Variants in SOWAHC observed in about 807,000 individuals in gnomAD.
SOWAHC encodes the protein sosondowah ankyrin repeat domain family member C, also known as ankyrin repeat domain-containing protein SOWAHC.
SOWAHC carries 12 observed loss-of-function variants against 14.4 expected under a neutral mutation model. That is an observed-to-expected ratio of 0.83 (90% CI 0.53 to 1.35). The LOEUF is 1.35. Among genes scored for constraint, SOWAHC ranks in the 40% most tolerant of loss-of-function variants. SOWAHC has a pLI of 0.00. For synonymous variants in SOWAHC, 398 were observed against 347.0 expected (o/e 1.15, Z -1.63); for missense variants, 771 against 752.8 (o/e 1.02, Z -0.28).
In SOWAHC at chr2:109,615,068, G is replaced by C. The variant is rs1316292917; in HGVS notation, c.579G>C (p.Val193=). The stretch of plus-strand genomic sequence containing the variant: ...AGGCGGACAGGGGCAGCTCCCTTGT[G>C]GGGGCTACCGCACAGAGGCCGGCCC... ...CEEADRGSSL[V]GATAQRPARQ... The change falls in exon 1 of 1, where the codon GTG becomes GTC. Residue 193 remains valine, a synonymous_variant. Transcript: ENST00000356454. 1.9e-6 allele frequency: 3 copies of C among 1,549,398 alleles called. No homozygotes were observed. In the South Asian group the frequency reaches 3.6e-5, roughly 18 times the overall value.
chr2:109,615,998 G>C lies in SOWAHC; in HGVS notation c.1509G>C (p.Val503=). 1.9e-6 allele frequency: 3 copies of C among 1,540,480 alleles called. No homozygotes were observed. In the East Asian group the frequency reaches 6.8e-5, roughly 35 times the overall value. ...QPLEGRGEEG[V]GEERPVKGHS... ...TGGAGGGCAGGGGGGAGGAGGGAGT[G>C]GGGGAGGAACGACCTGTTAAAGGCC... The change falls in exon 1 of 1, where the codon GTG becomes GTC. Residue 503 remains valine, a synonymous_variant. Transcript: ENST00000356454.
rs756794665 is a variant in SOWAHC at position 109,614,626 on chromosome 2, C to G, written c.137C>G (p.Pro46Arg). The change falls in exon 1 of 1, where the codon CCG (proline) becomes CGG (arginine). Residue 46 changes from proline to arginine, a missense_variant. Coordinates refer to ENST00000356454, the MANE Select transcript of SOWAHC (RefSeq NM_023016.4). ...TTCAGGGGCGCCCTAGGCGGCGAAC[C>G]GGAGCAGCGCGCCCGCGCCCGCGCG... ...QHFRGALGGE[P>R]EQRARARAHF... 214 of 1,463,232 alleles carry G rather than the reference C, an allele frequency of 1.5e-4. No homozygotes were observed. Among genetic ancestry groups the G allele is most frequent in the Non-Finnish European group, 1.8e-4 (201 of 1,111,518 alleles). 90.6% of individuals were successfully genotyped at this position (1,463,232 alleles called of 1,614,324 possible). A position where few individuals can be genotyped will look rare whatever the true frequency, so the allele number is the denominator to read the frequency against.
chr2:109,616,107 T>C lies in SOWAHC; in HGVS notation c.*40T>C, dbSNP rs761395714. On this transcript the variant is annotated 3_prime_UTR_variant, in exon 1 of 1. Transcript: ENST00000356454. ...AGAAAATGCAAAGGTTTATTTGTCTTAATAAATTGAATACTAGGTGTTGTA... is the reference window on the plus strand; with the variant it reads ...AGAAAATGCAAAGGTTTATTTGTCTCAATAAATTGAATACTAGGTGTTGTA... 59 of 1,451,812 alleles carry C rather than the reference T, an allele frequency of 4.1e-5. 1 individual carries two copies. The highest frequency in any genetic ancestry group is 3.6e-6 in the Non-Finnish European group (4 of 1,102,976). The allele number at this position is 1,451,812 out of a possible 1,614,324, so 89.9% of individuals were successfully genotyped here.
Position 109,615,592 on chromosome 2 carries a change from TGGACATCAG to T in SOWAHC, c.1108_1116del (p.Ile370_Asp372del). The T allele has an allele frequency of 6.2e-7, 1 of 1,613,690 alleles. No homozygotes were observed. On this transcript the variant is annotated inframe_deletion, in exon 1 of 1. Coordinates refer to ENST00000356454, the MANE Select transcript of SOWAHC (RefSeq NM_023016.4). Reference sequence around the variant, plus strand: ...CTGGTGGGGGCCTACGACGCCGATGTGGACATCAGGGACTACAGTGGGAAAAAGGCCTCC... The same window carrying T: ...CTGGTGGGGGCCTACGACGCCGATGTGGACTACAGTGGGAAAAAGGCCTCC...
chr2:109,615,113 G>A lies in SOWAHC; in HGVS notation c.624G>A (p.Leu208=), dbSNP rs1209613145. 4 of 1,549,702 alleles carry A rather than the reference G, an allele frequency of 2.6e-6. No individual in the cohort carries two copies. Among genetic ancestry groups the A allele is most frequent in the African/African-American group, 2.7e-5 (2 of 73,034 alleles). Residue 208 remains leucine, a synonymous_variant, in exon 1 of 1, where the codon CTG becomes CTA. Transcript: ENST00000356454. ...CGGCCCGCCAGAACCTCCGTGACCTGGTGATGGGCAGCTCCCCGCAGCTGA... is the reference window on the plus strand; with the variant it reads ...CGGCCCGCCAGAACCTCCGTGACCTAGTGATGGGCAGCTCCCCGCAGCTGA... The part of the protein sequence containing the change: ...QRPARQNLRD[L]VMGSSPQLKR...
Position 109,616,246 on chromosome 2 carries a change from CAG to C in SOWAHC, c.*183_*184del. ...TTCTGGGAAAAGTGGATGTCTTTTT[CAG>C]AGATTCATCATACCTTGACCTGTAC... On this transcript the variant is annotated 3_prime_UTR_variant, in exon 1 of 1. Coordinates refer to ENST00000356454, the MANE Select transcript of SOWAHC (RefSeq NM_023016.4). 9.9e-7 allele frequency: 1 copy of C among 1,007,502 alleles called. No individual in the cohort carries two copies. The highest frequency in any genetic ancestry group is 3.6e-5 in the South Asian group (1 of 28,076). 62.4% of individuals were successfully genotyped at this position (1,007,502 alleles called of 1,614,324 possible).
chr2:109,615,708 G>T lies in SOWAHC; in HGVS notation c.1219G>T (p.Gly407Cys), dbSNP rs997882431. 1.2e-6 allele frequency: 2 copies of T among 1,613,682 alleles called. No homozygotes were observed. Among genetic ancestry groups the T allele is most frequent in the South Asian group, 2.2e-5 (2 of 91,084 alleles). The change falls in exon 1 of 1, where the codon GGT (glycine) becomes TGT (cysteine). Residue 407 changes from glycine (G) to cysteine (C), a missense_variant. Gly to Cys is a radical substitution (Grantham distance 159). Transcript: ENST00000356454. ...CGAGGGTGACGGGGAAAGCGCCGCGGGTAGCGGCGGCGGGCGCTGGAGGCT... is the reference window on the plus strand; with the variant it reads ...CGAGGGTGACGGGGAAAGCGCCGCGTGTAGCGGCGGCGGGCGCTGGAGGCT... ...LDEGDGESAA[G>C]SGGGRWRLSK...
chr2:109,618,305 A>G lies in SOWAHC; in HGVS notation c.*2238A>G, dbSNP rs542246993. The stretch of plus-strand genomic sequence containing the variant: ...TTCATAGACATGTAAAGCTGAAGTA[A>G]CTCTAAAGAGCAGATGCTTCAGAAC... On this transcript the variant is annotated 3_prime_UTR_variant, in exon 1 of 1. Transcript: ENST00000356454. 1 of 166,762 alleles carries G rather than the reference A, an allele frequency of 6.0e-6. No homozygotes were observed. The highest frequency in any genetic ancestry group is 1.5e-5 in the Non-Finnish European group (1 of 68,096). The allele number at this position is 166,762 out of a possible 1,614,324, so 10.3% of individuals were successfully genotyped here. A position where few individuals can be genotyped will look rare whatever the true frequency, so the allele number is the denominator to read the frequency against.
chr2:109,614,479 C>G lies in SOWAHC; in HGVS notation c.-11C>G, dbSNP rs1260654668. The G allele has an allele frequency of 1.5e-4, 178 of 1,224,740 alleles. No individual in the cohort carries two copies. Among genetic ancestry groups the G allele is most frequent in the Non-Finnish European group, 1.1e-4 (106 of 984,526 alleles). 75.9% of individuals were successfully genotyped at this position (1,224,740 alleles called of 1,614,324 possible). A position where few individuals can be genotyped will look rare whatever the true frequency, so the allele number is the denominator to read the frequency against. The stretch of plus-strand genomic sequence containing the variant: ...GAGCCGCCCGCTGGCGGGGGAGCAG[C>G]GCGGTCGAGGATGGAGGGGCCGGCA... On this transcript the variant is annotated 5_prime_UTR_variant, in exon 1 of 1. Transcript: ENST00000356454.
chr2:109,614,891 G>A lies in SOWAHC; in HGVS notation c.402G>A (p.Leu134=). 7.0e-7 allele frequency: 1 copy of A among 1,436,658 alleles called. No individual in the cohort carries two copies. The highest frequency in any genetic ancestry group is 9.0e-7 in the Non-Finnish European group (1 of 1,106,220). 89.0% of individuals were successfully genotyped at this position (1,436,658 alleles called of 1,614,324 possible). A position where few individuals can be genotyped will look rare whatever the true frequency, so the allele number is the denominator to read the frequency against. ...CGCTCCCTGGACAGGGCCGCGAGCT[G>A]GGCGAGGGAGAGCCCCCCGCCCCCG... ...PESLPGQGRE[L]GEGEPPAPAH... is the part of the protein sequence containing the mutation. Residue 134 remains leucine, a synonymous_variant, in exon 1 of 1, where the codon CTG becomes CTA. Transcript: ENST00000356454.
rs1037166889 is a variant in SOWAHC, at chr2:109,614,654, C to G, written c.165C>G (p.His55Gln). The change falls in exon 1 of 1, where the codon CAC becomes CAG. Residue 55 changes from histidine to glutamine, a missense_variant. By Grantham distance (24) the His-to-Gln change is conservative (BLOSUM62 0). Transcript: ENST00000356454. The part of the protein sequence containing the change: ...EPEQRARARA[H>Q]FKELVNAVAT... ...AGCAGCGCGCCCGCGCCCGCGCGCA[C>G]TTCAAGGAGCTGGTGAACGCCGTGG... 109 of 1,476,966 alleles carry G rather than the reference C, an allele frequency of 7.4e-5. No individual in the cohort carries two copies. The highest frequency in any genetic ancestry group is 9.6e-5 in the Non-Finnish European group (107 of 1,118,486). The allele number at this position is 1,476,966 out of a possible 1,614,324, so 91.5% of individuals were successfully genotyped here.
rs1183470979 is a variant in SOWAHC, at chr2:109,616,207, T to C, written c.*140T>C. The C allele has an allele frequency of 1.5e-6, 2 of 1,297,640 alleles. No individual in the cohort carries two copies. The highest frequency in any genetic ancestry group is 2.0e-6 in the Non-Finnish European group (2 of 1,006,608). The allele number at this position is 1,297,640 out of a possible 1,614,324, so 80.4% of individuals were successfully genotyped here. A position where few individuals can be genotyped will look rare whatever the true frequency, so the allele number is the denominator to read the frequency against. On this transcript the variant is annotated 3_prime_UTR_variant, in exon 1 of 1. Coordinates refer to ENST00000356454, the MANE Select transcript of SOWAHC (RefSeq NM_023016.4). ...GATCGGAATGGATGGGGCGGAGTTC[T>C]CTTCAGGCTAGCCTTCTGGGAAAAG...
chr2:109,615,226 C>T lies in SOWAHC; in HGVS notation c.737C>T (p.Ser246Leu). 6.5e-7 allele frequency: 1 copy of T among 1,545,786 alleles called. No individual in the cohort carries two copies. Among genetic ancestry groups the T allele is most frequent in the African/African-American group, 1.4e-5 (1 of 73,130 alleles). Residue 246 changes from serine (S) to leucine (L), a missense_variant, in exon 1 of 1, where the codon TCG becomes TTG. By Grantham distance (145) the Ser-to-Leu change is moderately radical. Transcript: ENST00000356454. ...GRGGGDSDSA[S>L]VASSSAEEES... The stretch of plus-strand genomic sequence containing the variant: ...GGCGGGGGCGACTCAGACAGCGCAT[C>T]GGTGGCCTCGTCGTCCGCGGAGGAG...
rs933869670 is a variant in SOWAHC at position 109,616,640 on chromosome 2, C to G, written c.*573C>G. 1 of 167,002 alleles carries G rather than the reference C, an allele frequency of 6.0e-6. No homozygotes were observed. The highest frequency in any genetic ancestry group is 2.4e-5 in the African/African-American group (1 of 41,440). The allele number at this position is 167,002 out of a possible 1,614,324, so 10.3% of individuals were successfully genotyped here. On this transcript the variant is annotated 3_prime_UTR_variant, in exon 1 of 1. Coordinates refer to ENST00000356454, the MANE Select transcript of SOWAHC (RefSeq NM_023016.4). ...ATAATGTGAATAAAATGGGAATCTT[C>G]TTGGTATTTTATGTGTATTGTAAGT...
At position 109,614,696 on chromosome 2, in the gene SOWAHC, T is replaced by C; in HGVS notation, c.207T>C (p.Asp69=). The change falls in exon 1 of 1, where the codon GAT becomes GAC. Residue 69 remains aspartate, a synonymous_variant. Transcript: ENST00000356454. ...LVNAVATVRV[D]PADGAKYVHL... ...ACGCCGTGGCCACTGTGCGCGTCGA[T>C]CCCGCCGACGGCGCCAAGTACGTGC... 6.7e-7 allele frequency: 1 copy of C among 1,487,968 alleles called. No homozygotes were observed. The highest frequency in any genetic ancestry group is 8.9e-7 in the Non-Finnish European group (1 of 1,123,660). The allele number at this position is 1,487,968 out of a possible 1,614,324, so 92.2% of individuals were successfully genotyped here. A position where few individuals can be genotyped will look rare whatever the true frequency, so the allele number is the denominator to read the frequency against.
rs1700151698 is a variant in SOWAHC, at chr2:109,616,251, A to T, written c.*184A>T. On this transcript the variant is annotated 3_prime_UTR_variant, in exon 1 of 1. Coordinates refer to ENST00000356454, the MANE Select transcript of SOWAHC (RefSeq NM_023016.4). ...GGAAAAGTGGATGTCTTTTTCAGAGATTCATCATACCTTGACCTGTACCTC... is the reference window on the plus strand; with the variant it reads ...GGAAAAGTGGATGTCTTTTTCAGAGTTTCATCATACCTTGACCTGTACCTC... The T allele has an allele frequency of 1.1e-6, 1 of 943,508 alleles. No individual in the cohort carries two copies. The allele number at this position is 943,508 out of a possible 1,614,324, so 58.4% of individuals were successfully genotyped here. A position where few individuals can be genotyped will look rare whatever the true frequency, so the allele number is the denominator to read the frequency against.
Position 109,614,540 on chromosome 2 carries a change from G to T in SOWAHC, c.51G>T (p.Ala17=). The change falls in exon 1 of 1, where the codon GCG becomes GCT. Residue 17 remains alanine (A), a synonymous_variant. Transcript: ENST00000356454. Reference sequence around the variant, plus strand: ...CCGAGGCGGCGCTGGGCCCCGAGGCGGTGCTGCGCTTCCTGGCGGAGCGCG... The same window carrying T: ...CCGAGGCGGCGCTGGGCCCCGAGGCTGTGCTGCGCTTCCTGGCGGAGCGCG... ...WGPEAALGPE[A]VLRFLAERGG... is the part of the protein sequence containing the mutation. The T allele has an allele frequency of 7.7e-7, 1 of 1,292,920 alleles. No homozygotes were observed. The highest frequency in any genetic ancestry group is 9.7e-7 in the Non-Finnish European group (1 of 1,027,548). The allele number at this position is 1,292,920 out of a possible 1,614,324, so 80.1% of individuals were successfully genotyped here.
At position 109,614,468 on chromosome 2, in the gene SOWAHC, C is replaced by T. The variant is rs537679125; in HGVS notation, c.-22C>T. ...GGGACCGCGCTGAGCCGCCCGCTGG[C>T]GGGGGAGCAGCGCGGTCGAGGATGG... On this transcript the variant is annotated 5_prime_UTR_variant, in exon 1 of 1. Coordinates refer to ENST00000356454, the MANE Select transcript of SOWAHC (RefSeq NM_023016.4). 2.1e-4 allele frequency: 257 copies of T among 1,212,806 alleles called. No individual in the cohort carries two copies. Among genetic ancestry groups the T allele is most frequent in the Admixed American group, 1.9e-3 (43 of 22,740 alleles). The allele number at this position is 1,212,806 out of a possible 1,614,324, so 75.1% of individuals were successfully genotyped here.
chr2:109,616,105 C>T lies in SOWAHC; in HGVS notation c.*38C>T, dbSNP rs1700146338. On this transcript the variant is annotated 3_prime_UTR_variant, in exon 1 of 1. Transcript: ENST00000356454. The stretch of plus-strand genomic sequence containing the variant: ...TTAGAAAATGCAAAGGTTTATTTGT[C>T]TTAATAAATTGAATACTAGGTGTTG... 6.9e-7 allele frequency: 1 copy of T among 1,454,248 alleles called. No individual in the cohort carries two copies. The highest frequency in any genetic ancestry group is 9.1e-7 in the Non-Finnish European group (1 of 1,104,058). 90.1% of individuals were successfully genotyped at this position (1,454,248 alleles called of 1,614,324 possible).
Sources: allele counts gnomAD v4.1 joint callset, GRCh38; gene constraint gnomAD v4.1.1; transcripts MANE v1.5; gene names NCBI Gene and HGNC (gene_info 2026-07-23, HGNC 2026-07-21).